Variants in SYMPK observed in about 807,000 individuals in gnomAD.
SYMPK encodes the protein symplekin scaffold protein.
Under a neutral mutation model 136.4 loss-of-function variants are expected in SYMPK, and 49 were observed. That is an observed-to-expected ratio of 0.36 (90% confidence interval 0.29 to 0.46). The LOEUF (loss-of-function observed/expected upper bound fraction) is 0.46. Ranked by LOEUF, SYMPK falls within the 20% of genes least tolerant of loss-of-function variation. The pLI is 1.00. For synonymous variants in SYMPK, 766 were observed against 713.0 expected (o/e 1.07, Z -1.19); for missense variants, 1,365 against 1,690.0 (o/e 0.81, Z 3.37).
In SYMPK at chr19:45,854,088, A is replaced by G. The variant is rs1244616302; in HGVS notation, c.171+87T>C. 115 of 1,256,050 alleles carry G rather than the reference A, an allele frequency of 9.2e-5. 1 individual carries two copies. The South Asian group carries it at 1.4e-3, about 15-fold the overall frequency. The allele number at this position is 1,256,050 out of a possible 1,614,324, so 77.8% of individuals were successfully genotyped here. Reference sequence around the variant, plus strand: ...GCACACACTGAGTGTGTAAATGTGGACACTGGTGTTACTGCAAGTGTCTTT... The same window carrying G: ...GCACACACTGAGTGTGTAAATGTGGGCACTGGTGTTACTGCAAGTGTCTTT... On this transcript the variant is annotated intron_variant, in intron 3 of 26. Coordinates refer to ENST00000245934, the MANE Select transcript of SYMPK (RefSeq NM_004819.3).
intron 1 of SYMPK, chr19:45,854,809 C>A (rs1041408530): frequency 7.5e-6 from 3 of 402,386 alleles, no homozygotes; most frequent in African/African-American, 6.1e-5. Flanking sequence ...CAACAGCCAC[C>A]TTGCAGGTCT....
chr19:45,844,322 A>C, intron 7 of SYMPK, 122 bp from the exon 8 acceptor site: 1 of 728,880 alleles, frequency 1.4e-6, no homozygotes, highest in South Asian at 2.6e-5. Context: ...AATGGCGGGA[A>C]AAACAGAAAA....
In SYMPK at chr19:45,838,589, C is replaced by T; in HGVS notation, c.1114G>A (p.Asp372Asn). 1 of 1,614,074 alleles carries T rather than the reference C, an allele frequency of 6.2e-7. No homozygotes were observed. ...LEPNLGEDDE[D>N]KDLEPGPSGT... ...GACGGGCCTGGCTCCAAGTCTTTGT[C>T]CTCATCGTCCTCCCCCAGGTTGGGC... The change falls in exon 10 of 27, where the codon GAC (aspartate) becomes AAC (asparagine). Residue 372 changes from aspartate (D) to asparagine (N), a missense_variant. By Grantham distance (23) the Asp-to-Asn change is conservative. This residue lies in a region of SYMPK where 111 missense variants were observed against 141.2 expected (regional missense o/e 0.79). Coordinates refer to ENST00000245934, the MANE Select transcript of SYMPK (RefSeq NM_004819.3).
intron 11 of SYMPK, among the ~76,000 whole-genome samples, chr19:45,833,606 CAAAAAATAAAAAATA>C (rs947707805): frequency 6.6e-6 from 1 of 151,896 alleles, no homozygotes; most frequent in Admixed American, 6.6e-5. Flanking sequence ...GAATCTGTCT[CAAAAAATAAAAAATA>C]AAAAAATAAA....
At position 45,854,454 on chromosome 19, in the gene SYMPK, C is replaced by G. The variant is rs1211741583; in HGVS notation, c.42G>C (p.Val14=). The G allele has an allele frequency of 1.4e-5, 22 of 1,614,014 alleles. No individual in the cohort carries two copies. The highest frequency in any genetic ancestry group is 1.8e-5 in the Non-Finnish European group (21 of 1,180,048). Residue 14 remains valine (V), a synonymous_variant, in exon 2 of 27, where the codon GTG becomes GTC. Transcript: ENST00000245934. ...CCTCTTGAGTGAAAAACTGTGATGC[C>G]ACGCTCCGACGGGTGACGCTGTCTC... ...GSGDSVTRRS[V]ASQFFTQEEG...
chr19:45,832,073 G>GC (rs1442288301), intron 11 of SYMPK, among the ~76,000 whole-genome samples: 1 of 152,108 alleles, frequency 6.6e-6, no homozygotes, highest in Non-Finnish European at 1.5e-5. Context: ...GAACTCCTGG[G>GC]CTCAAGCGAT....
intron 7 of SYMPK, among the ~76,000 whole-genome samples, chr19:45,845,962 C>A (rs922424379): frequency 6.6e-6 from 1 of 152,160 alleles, no homozygotes; most frequent in Non-Finnish European, 1.5e-5. Flanking sequence ...TTAGGCCGGG[C>A]GCGGTGGCTC....
At chr19:45,841,706 A>AG (rs1199300082) in intron 9 of SYMPK, among the ~76,000 whole-genome samples, 1 of 152,222 alleles carries the variant, frequency 6.6e-6, no homozygotes, top group African/African-American at 2.4e-5. Context: ...GACACTATTG[A>AG]TAAATAATAC....
rs147142432 is a variant in SYMPK at position 45,816,906 on chromosome 19, G to T, written c.3150C>A (p.Phe1050Leu). Residue 1050 changes from phenylalanine (F) to leucine (L), a missense_variant, in exon 24 of 27, where the codon TTC (phenylalanine) becomes TTA (leucine). By Grantham distance (22) the Phe-to-Leu change is conservative. Around this residue, in one of 11 missense-constraint regions of SYMPK, gnomAD observed 156 missense variants for 217.8 expected, o/e 0.72. Transcript: ENST00000245934. ...KCCQRTKPQS[F>L]QVILQLPPQQ... ...GGGGCGGCAGCTGCAGGATGACCTGGAAGCTCTGGGGCTTTGTGCGCTGGC... is the reference window on the plus strand; with the variant it reads ...GGGGCGGCAGCTGCAGGATGACCTGTAAGCTCTGGGGCTTTGTGCGCTGGC... 160 of 1,555,592 alleles carry T rather than the reference G, an allele frequency of 1.0e-4. No individual in the cohort carries two copies. The highest frequency in any genetic ancestry group is 1.8e-4 in the Admixed American group (9 of 51,258).
chr19:45,816,969 C>T lies in SYMPK; in HGVS notation c.3087G>A (p.Trp1029Ter). 1 of 1,560,018 alleles carries T rather than the reference C, an allele frequency of 6.4e-7. No homozygotes were observed. Among genetic ancestry groups the T allele is most frequent in the Non-Finnish European group, 8.7e-7 (1 of 1,151,994 alleles). ...ILSRLIMKQV[W>*]KYPKVWEGFI... ...AGCCCTCCCACACCTTGGGGTACTT[C>T]CACACCTGAACCAGGGAGGGAGGGA... Residue 1029 changes from tryptophan to a stop codon, truncating the protein, a stop_gained, in exon 24 of 27, where the codon TGG becomes TGA. Coordinates refer to ENST00000245934, the MANE Select transcript of SYMPK (RefSeq NM_004819.3). LOFTEE classifies it high-confidence loss of function.
intron 6 of SYMPK, 67 bp from the exon 7 acceptor site, chr19:45,848,068 A>G: frequency 6.6e-7 from 1 of 1,511,338 alleles, no homozygotes; most frequent in Non-Finnish European, 8.9e-7. Context: ...TCAATCACCA[A>G]CACCCTCTGC....
intron 20 of SYMPK, 145 bp from the exon 21 acceptor site, chr19:45,822,991 G>C: frequency 1.5e-6 from 1 of 688,806 alleles, no homozygotes; most frequent in Non-Finnish European, 2.6e-6. Context: ...CACACCCTCA[G>C]GGCGGAGCTT....
intron 18 of SYMPK, 68 bp from the exon 19 acceptor site, chr19:45,823,943 C>T: frequency 7.8e-7 from 1 of 1,281,194 alleles, no homozygotes; most frequent in Non-Finnish European, 1.1e-6. Flanking sequence ...TGTTGCCCGG[C>T]AGGGTGGCTT....
At chr19:45,842,770 T>C (rs1196707759) in intron 8 of SYMPK, 7 of 414,984 alleles carry the variant, frequency 1.7e-5, no homozygotes, top group Non-Finnish European at 2.6e-5. Flanking sequence ...GAAATTCACA[T>C]ATGCTTCGCT....
intron 1 of SYMPK, among the ~76,000 whole-genome samples, chr19:45,860,471 A>G (rs530992717): frequency 1.1e-3 from 126 of 116,766 alleles, no homozygotes; most frequent in African/African-American, 4.1e-3. Flanking sequence ...ATTAAAAAAA[A>G]AAAGAAAAAA....
intron 3 of SYMPK, 30 bp downstream of exon 3, chr19:45,854,145 C>T: frequency 6.2e-7 from 1 of 1,611,990 alleles, no homozygotes; most frequent in Non-Finnish European, 8.5e-7. Context: ...CTTTCACCTG[C>T]TCAGCCCAGG....
At chr19:45,840,932 A>G (rs929201523) in intron 9 of SYMPK, among the ~76,000 whole-genome samples, 3 of 152,162 alleles carry the variant, frequency 2.0e-5, no homozygotes, top group African/African-American at 7.2e-5. Flanking sequence ...TACTCTGCTT[A>G]GTATACTTAA....
chr19:45,818,163 A>T lies in SYMPK; in HGVS notation c.2894-17T>A. On this transcript the variant is annotated splice_polypyrimidine_tract_variant and intron_variant, in intron 22 of 26. Transcript: ENST00000245934. ...GGTTGGTGGCTGCGAGGAGGCGGAG[A>T]GTGGGCCTGTCCTCTCTGCCCAGCT... 1 of 1,529,182 alleles carries T rather than the reference A, an allele frequency of 6.5e-7. No individual in the cohort carries two copies. 94.7% of individuals were successfully genotyped at this position (1,529,182 alleles called of 1,614,324 possible).
chr19:45,817,390 T>A (rs1970773220), intron 23 of SYMPK, among the ~76,000 whole-genome samples: 1 of 149,774 alleles, frequency 6.7e-6, no homozygotes, highest in African/African-American at 2.5e-5. Context: ...GCGACATTAG[T>A]CCTGCGGGGT....
Sources: gnomAD v4.1 joint callset for allele counts (sites outside exome capture counted in the v4.1 genomes callset) on GRCh38, gnomAD v4.1.1 for gene constraint, gnomAD v4.1.1 regional missense constraint, MANE v1.5 for transcripts, NCBI Gene and HGNC (gene_info 2026-07-23, HGNC 2026-07-21) for gene names.